The following CTCFL variants were observed in gnomAD, a reference collection of about 807,000 sequenced individuals.
The protein encoded by CTCFL is transcriptional repressor CTCFL.
In CTCFL, 36 loss-of-function variants were observed where a neutral mutation model predicts 67.4. That is an observed-to-expected ratio of 0.53 (90% CI 0.41 to 0.71). The LOEUF is 0.71. CTCFL is among the 30% of genes least tolerant of loss of function. The pLI is 0.00. For missense variants in CTCFL, 786 were observed against 835.2 expected (o/e 0.94, Z 0.73); for synonymous variants, 324 against 302.3 (o/e 1.07, Z -0.75).
intron 9 of CTCFL, chr20:57,507,394 C>T: frequency 1.7e-6 from 1 of 590,672 alleles, no homozygotes; most frequent in Non-Finnish European, 3.0e-6. Flanking sequence ...GACAGGGTTT[C>T]ACCATGTTGG....
Position 57,508,786 on chromosome 20 carries a change from T to C in CTCFL, c.1494A>G (p.Glu498=), listed in dbSNP as rs1164812600. Residue 498 remains glutamate (E), a splice_region_variant and synonymous_variant, in exon 9 of 11, where the codon GAA becomes GAG. Coordinates refer to ENST00000243914, the MANE Select transcript of CTCFL (RefSeq NM_001386993.1). ...TACGAATGTGAGCGGTCATATGACGTTCCTAAGAGGGAAGGGGAAGAAAGC... is the reference window on the plus strand; with the variant it reads ...TACGAATGTGAGCGGTCATATGACGCTCCTAAGAGGGAAGGGGAAGAAAGC... ...CKHCSYACKQ[E]RHMTAHIRTH... 9.3e-6 allele frequency: 15 copies of C among 1,613,646 alleles called. No homozygotes were observed. The highest frequency in any genetic ancestry group is 2.2e-5 in the East Asian group (1 of 44,884).
At chr20:57,515,873 T>A in intron 5 of CTCFL, 39 bp from the exon 6 acceptor site, 3 of 1,578,936 alleles carry the variant, frequency 1.9e-6, no homozygotes, top group Admixed American at 1.9e-5. Context: ...CAATAGAAAC[T>A]AAAAAATGGC....
intron 9 of CTCFL, chr20:57,507,591 C>T: frequency 1.4e-6 from 1 of 703,004 alleles, no homozygotes; most frequent in Non-Finnish European, 2.6e-6. Flanking sequence ...ACTCAAGCAG[C>T]CCTGCAGAGA....
At position 57,519,244 on chromosome 20, in the gene CTCFL, C is replaced by T. The variant is rs199637656; in HGVS notation, c.888G>A (p.Thr296=). The change falls in exon 4 of 11, where the codon ACG becomes ACA. Residue 296 remains threonine (T), a synonymous_variant. Coordinates refer to ENST00000243914, the MANE Select transcript of CTCFL (RefSeq NM_001386993.1). The stretch of plus-strand genomic sequence containing the variant: ...TAACATGGTTCCGCAGCAGAGTGAC[C>T]GTACGGAAGGTTTTCAGGCAGAGGT... ...LCHLCLKTFR[T]VTLLRNHVNT... is the part of the protein sequence containing the mutation. 4.3e-6 allele frequency: 7 copies of T among 1,613,936 alleles called. No individual in the cohort carries two copies. The highest frequency in any genetic ancestry group is 1.3e-5 in the African/African-American group (1 of 74,900).
downstream of CTCFL, chr20:57,495,983 T>A (rs529099050): frequency 2.2e-3 from 746 of 332,010 alleles, 4 homozygotes; most frequent in African/African-American, 0.014. Flanking sequence ...AACATATTTA[T>A]GTTATCTGTT....
intron 10 of CTCFL, among the ~76,000 whole-genome samples, chr20:57,501,815 G>A (rs2067930581): frequency 1.3e-5 from 2 of 152,164 alleles, no homozygotes; most frequent in Non-Finnish European, 2.9e-5. Flanking sequence ...CTGGGAGTTT[G>A]GGATGAAGGT....
chr20:57,516,455 T>G (rs1296919456), intron 5 of CTCFL, among the ~76,000 whole-genome samples: 1 of 152,176 alleles, frequency 6.6e-6, no homozygotes, highest in Non-Finnish European at 1.5e-5. Context: ...CAGGACTGTT[T>G]GAGCCTGGGA....
intron 3 of CTCFL, among the ~76,000 whole-genome samples, chr20:57,522,677 G>T (rs1018221138): frequency 2.0e-5 from 3 of 152,046 alleles, no homozygotes; most frequent in Admixed American, 2.0e-4. Flanking sequence ...CCCTTAGAAG[G>T]CACCCTCTAC....
intron 9 of CTCFL, among the ~76,000 whole-genome samples, chr20:57,505,164 C>A (rs2068129338): frequency 6.6e-6 from 1 of 151,766 alleles, no homozygotes; most frequent in South Asian, 2.1e-4. Context: ...AAAGGTGACC[C>A]TTTCTGTTGT....
Position 57,523,898 on chromosome 20 carries a change from T to C in CTCFL, c.308A>G (p.Gln103Arg). 1 of 1,613,152 alleles carries C rather than the reference T, an allele frequency of 6.2e-7. No individual in the cohort carries two copies. The highest frequency in any genetic ancestry group is 1.1e-5 in the South Asian group (1 of 91,088). Residue 103 changes from glutamine (Q) to arginine (R), a missense_variant, in exon 2 of 11, where the codon CAG becomes CGG. This residue lies in a region of CTCFL where 333 missense variants were observed against 304.6 expected (regional missense o/e 1.09). Transcript: ENST00000243914. ...ELQDMSLLSI[Q>R]QQEGVQVVVQ... ...CACCACCTGCACCCCTTCTTGCTGCTGTATGCTCAGCAAGCTCATATCCTG... is the reference window on the plus strand; with the variant it reads ...CACCACCTGCACCCCTTCTTGCTGCCGTATGCTCAGCAAGCTCATATCCTG...
intron 1 of CTCFL, chr20:57,524,507 C>T (rs1600688835): frequency 3.4e-6 from 4 of 1,190,900 alleles, no homozygotes; most frequent in South Asian, 4.4e-5. Flanking sequence ...GGCAAGGTTC[C>T]GCCTGAGCAC....
rs1157610325 is a variant in CTCFL, at chr20:57,497,871, T to C, written c.*679A>G. ...GAATACAAAAATCTAAAGGTGAACC[T>C]TGCTCCTATACCAAAGTAAAATCGA... On this transcript the variant is annotated 3_prime_UTR_variant, in exon 11 of 11. Coordinates refer to ENST00000243914, the MANE Select transcript of CTCFL (RefSeq NM_001386993.1). The C allele has an allele frequency of 3.1e-6, 3 of 971,750 alleles. No individual in the cohort carries two copies. The highest frequency in any genetic ancestry group is 3.7e-6 in the Non-Finnish European group (3 of 817,706). 60.2% of individuals were successfully genotyped at this position (971,750 alleles called of 1,614,324 possible). A position where few individuals can be genotyped will look rare whatever the true frequency, so the allele number is the denominator to read the frequency against.
At position 57,518,749 on chromosome 20, in the gene CTCFL, T is replaced by C. The variant is rs1313041747; in HGVS notation, c.1059+9A>G. The C allele has an allele frequency of 1.9e-6, 3 of 1,614,066 alleles. No individual in the cohort carries two copies. Among genetic ancestry groups the C allele is most frequent in the African/African-American group, 2.7e-5 (2 of 74,940 alleles). ...TGCCATGAAGCTTCAAGTCCAAGAA[T>C]GGCTTTACCTCCACACTGGCATACT... is the stretch of plus-strand genomic sequence containing the variant. On this transcript the variant is annotated intron_variant, in intron 5 of 10. Coordinates refer to ENST00000243914, the MANE Select transcript of CTCFL (RefSeq NM_001386993.1).
intron 9 of CTCFL, among the ~76,000 whole-genome samples, chr20:57,504,666 G>C (rs554711422): frequency 1.3e-5 from 2 of 152,012 alleles, no homozygotes; most frequent in South Asian, 2.1e-4. Context: ...GGAGACCTAA[G>C]ATAAGGAGGA....
In CTCFL at chr20:57,502,360, TAGTATA is replaced by T. The variant is rs371011268; in HGVS notation, c.1840+1070_1840+1075del. Among the ~76,000 whole-genome samples, 767 of 152,356 alleles carry T rather than the reference TAGTATA, an allele frequency of 5.0e-3. 11 individuals are homozygous for T. The highest frequency in any genetic ancestry group is 0.018 in the African/African-American group (734 of 41,576). On this transcript the variant is annotated intron_variant, in intron 10 of 10. Coordinates refer to ENST00000243914, the MANE Select transcript of CTCFL (RefSeq NM_001386993.1). Reference sequence around the variant, plus strand: ...TCAGATACATGATGAACATTTTTTTTAGTATAAGTATATCCCAAATAGTGCATGGGA... The same window carrying T: ...TCAGATACATGATGAACATTTTTTTTAGTATATCCCAAATAGTGCATGGGA...
chr20:57,503,130 G>T (rs1357594040), intron 10 of CTCFL, among the ~76,000 whole-genome samples: 1 of 152,244 alleles, frequency 6.6e-6, no homozygotes, highest in Non-Finnish European at 1.5e-5. Flanking sequence ...AAGCCACTCA[G>T]CTTGTGGTCA....
intron 8 of CTCFL, among the ~76,000 whole-genome samples, chr20:57,510,404 A>G (rs2068473292): frequency 6.6e-6 from 1 of 152,256 alleles, no homozygotes; most frequent in Non-Finnish European, 1.5e-5. Context: ...CTGTAAAATT[A>G]TCTATTTTTC....
chr20:57,513,189 G>A (rs2068679011), intron 7 of CTCFL: 1 of 939,232 alleles, frequency 1.1e-6, no homozygotes, highest in African/African-American at 1.8e-5. Flanking sequence ...ATTTTAGGAT[G>A]ATGTTAAGGT....
chr20:57,516,257 G>T (rs1055469605), intron 5 of CTCFL, among the ~76,000 whole-genome samples: 4 of 152,072 alleles, frequency 2.6e-5, no homozygotes, highest in African/African-American at 9.7e-5. Flanking sequence ...TCTAGCTCTC[G>T]TTGGGTGTGG....
Sources: allele counts gnomAD v4.1 joint callset (sites outside exome capture counted in the v4.1 genomes callset), GRCh38; gene constraint gnomAD v4.1.1; regional missense constraint gnomAD v4.1.1; transcripts MANE v1.5; gene names NCBI Gene and HGNC (gene_info 2026-07-23, HGNC 2026-07-21).